Variants in HYDIN observed in about 807,000 individuals in gnomAD.
HYDIN encodes the protein axonemal central pair apparatus protein HYDIN.
HYDIN carries 132 observed loss-of-function variants against 403.9 expected under a neutral mutation model. That is an observed-to-expected ratio of 0.33 (90% CI 0.28 to 0.38). The LOEUF is 0.38. Among genes scored for constraint, HYDIN ranks in the 10% least tolerant of loss-of-function variants. The pLI is 1.00. For missense variants in HYDIN, 2,827 were observed against 5,009.5 expected (o/e 0.56, Z 13.15); for synonymous variants, 1,202 against 1,891.7 (o/e 0.64, Z 9.46).
At chr16:70,980,850 T>C (rs1286955924) in intron 29 of HYDIN, among the ~76,000 whole-genome samples, 2 of 152,148 alleles carry the variant, frequency 1.3e-5, no homozygotes, top group Non-Finnish European at 2.9e-5. Context: ...AAGACAGAAA[T>C]ATTCTGCTAC....
At chr16:71,065,878 G>A (rs1407053519) in intron 15 of HYDIN, among the ~76,000 whole-genome samples, 1 of 152,208 alleles carries the variant, frequency 6.6e-6, no homozygotes, top group Non-Finnish European at 1.5e-5. Context: ...TTAAGAGTCA[G>A]TGAGTAGTTC....
chr16:70,982,000 C>A (rs959727868), intron 28 of HYDIN, among the ~76,000 whole-genome samples: 1 of 151,138 alleles, frequency 6.6e-6, no homozygotes, highest in African/African-American at 2.4e-5. Context: ...TGGTGGTGGG[C>A]ACCTGTAGTC....
intron 7 of HYDIN, among the ~76,000 whole-genome samples, chr16:71,140,817 C>A (rs1298580525): frequency 2.0e-5 from 3 of 151,838 alleles, no homozygotes; most frequent in African/African-American, 7.3e-5. Context: ...AATCTATAGG[C>A]CAATTGCACT....
At chr16:70,898,285 C>G (rs1447479079) in intron 53 of HYDIN, among the ~76,000 whole-genome samples, 1 of 152,094 alleles carries the variant, frequency 6.6e-6, no homozygotes, top group African/African-American at 2.4e-5. Flanking sequence ...TGCATCCCCA[C>G]CACAGGAACC....
At chr16:71,158,535 G>A (rs1456966043) in intron 6 of HYDIN, among the ~76,000 whole-genome samples, 8 of 149,502 alleles carry the variant, frequency 5.4e-5, no homozygotes, top group Non-Finnish European at 8.9e-5. Context: ...GCCAAACAGC[G>A]CAGGAAGATA....
chr16:71,029,264 T>C (rs1437210863), intron 19 of HYDIN, among the ~76,000 whole-genome samples: 1 of 136,974 alleles, frequency 7.3e-6, no homozygotes, highest in Non-Finnish European at 1.6e-5. Flanking sequence ...ATGGCTGTGT[T>C]CCAATAAAAC....
intron 23 of HYDIN, among the ~76,000 whole-genome samples, chr16:71,000,124 G>A (rs2079655456): frequency 6.6e-6 from 1 of 151,676 alleles, no homozygotes; most frequent in Non-Finnish European, 1.5e-5. Context: ...TAATTAATAT[G>A]AACATGTAGA....
At position 70,920,913 on chromosome 16, in the gene HYDIN, T is replaced by C. The variant is rs1253312738; in HGVS notation, c.7463A>G (p.Glu2488Gly). ...QGVQLPPAGM[E>G]EAPHEPDDQR... is the part of the protein sequence containing the mutation. ...GTCGTCGGGCTCATGGGGCGCTTCC[T>C]CCATCCCTGCAGGAGGCAGCTGGAC... is the stretch of plus-strand genomic sequence containing the variant. Residue 2488 changes from glutamate to glycine, a missense_variant, in exon 46 of 86, where the codon GAG becomes GGG. Coordinates refer to ENST00000393567, the MANE Select transcript of HYDIN (RefSeq NM_001270974.2). The C allele has an allele frequency of 1.9e-6, 3 of 1,613,610 alleles. No individual in the cohort carries two copies. The highest frequency in any genetic ancestry group is 3.3e-5 in the Admixed American group (2 of 59,896).
intron 60 of HYDIN, among the ~76,000 whole-genome samples, chr16:70,880,570 A>G (rs560184565): frequency 6.6e-6 from 1 of 152,208 alleles, no homozygotes; most frequent in East Asian, 1.9e-4. Context: ...ATGTGTTCTG[A>G]CCTGTGCCTG....
chr16:71,172,300 T>C (rs1412896101), intron 5 of HYDIN, among the ~76,000 whole-genome samples: 1 of 152,208 alleles, frequency 6.6e-6, no homozygotes, highest in East Asian at 1.9e-4. Context: ...TGCAAACAGA[T>C]GCTTTCTTAA....
chr16:71,216,755 G>A (rs895741135), intron 1 of HYDIN, among the ~76,000 whole-genome samples: 5 of 152,160 alleles, frequency 3.3e-5, no homozygotes, highest in Admixed American at 2.6e-4. Flanking sequence ...CATCAACTGA[G>A]GATCACCTAG....
At chr16:70,881,378 G>T (rs2040792587) in intron 60 of HYDIN, among the ~76,000 whole-genome samples, 2 of 144,748 alleles carry the variant, frequency 1.4e-5, no homozygotes, top group Non-Finnish European at 3.0e-5. Flanking sequence ...GGAGGCCGAG[G>T]CGGGTGGATC....
At chr16:71,068,939 T>C (rs1228431270) in intron 14 of HYDIN, among the ~76,000 whole-genome samples, 1 of 152,048 alleles carries the variant, frequency 6.6e-6, no homozygotes, top group African/African-American at 2.4e-5. Context: ...TAAACCTAAG[T>C]ATCAATAAGT....
At chr16:71,003,974 C>T (rs1408960139) in intron 23 of HYDIN, among the ~76,000 whole-genome samples, 9 of 151,144 alleles carry the variant, frequency 6.0e-5, no homozygotes, top group Admixed American at 1.3e-4. Flanking sequence ...TATTTACTTT[C>T]CTATCTTCCT....
At chr16:70,943,662 G>A (rs1287693543) in intron 42 of HYDIN, 150 bp downstream of exon 42, 44 of 1,138,242 alleles carry the variant, frequency 3.9e-5, no homozygotes, top group Non-Finnish European at 5.1e-5. Flanking sequence ...GTCAGGGGTC[G>A]ACAAGAGCTG....
intron 7 of HYDIN, among the ~76,000 whole-genome samples, chr16:71,146,002 G>T (rs1455351703): frequency 6.6e-6 from 1 of 152,008 alleles, no homozygotes; most frequent in Admixed American, 6.6e-5. Context: ...AACAAATAGC[G>T]TTTTTTGAAA....
At chr16:70,892,919 C>T (rs571777220) in intron 55 of HYDIN, among the ~76,000 whole-genome samples, 2 of 152,288 alleles carry the variant, frequency 1.3e-5, no homozygotes, top group African/African-American at 2.4e-5. Context: ...GGGAGAGAGA[C>T]AGCAGGGAGG....
chr16:70,980,413 G>A (rs927273831), intron 29 of HYDIN, among the ~76,000 whole-genome samples: 15 of 151,690 alleles, frequency 9.9e-5, no homozygotes, highest in Non-Finnish European at 1.6e-4. Flanking sequence ...AAGCTGAAGC[G>A]GGAGGATCCC....
chr16:70,826,347 G>T (rs1028547094), intron 83 of HYDIN, among the ~76,000 whole-genome samples: 17 of 150,694 alleles, frequency 1.1e-4, no homozygotes, highest in African/African-American at 4.2e-4. Flanking sequence ...CATCCCTCCT[G>T]CATGGTTTTC....
Sources: allele counts gnomAD v4.1 joint callset (sites outside exome capture counted in the v4.1 genomes callset), GRCh38; gene constraint gnomAD v4.1.1; transcripts MANE v1.5; gene names NCBI Gene and HGNC (gene_info 2026-07-23, HGNC 2026-07-21).